The following LRRC4C variants were observed in gnomAD, a reference collection of about 807,000 sequenced individuals.
LRRC4C encodes leucine rich repeat containing 4C.
In LRRC4C, 5 loss-of-function variants were observed where a neutral mutation model predicts 33.6. The ratio of observed to expected loss-of-function variants is 0.15; its 90% CI spans 0.08 to 0.31. The LOEUF (loss-of-function observed/expected upper bound fraction) is 0.31. LRRC4C is among the 10% of genes least tolerant of loss of function. LRRC4C has a pLI of 1.00. For synonymous variants in LRRC4C, 329 were observed against 302.0 expected (o/e 1.09, Z -0.93); for missense variants, 560 against 796.7 (o/e 0.70, Z 3.58).
chr11:41,159,299 A>G (rs72892655), intron 1 of LRRC4C, among the ~76,000 whole-genome samples: 2 of 152,274 alleles, frequency 1.3e-5, no homozygotes, highest in Non-Finnish European at 2.9e-5. Context: ...TCTAAAAAAA[A>G]TAAATACATA....
At chr11:40,412,168 T>C (rs1950178971) in intron 3 of LRRC4C, among the ~76,000 whole-genome samples, 1 of 152,070 alleles carries the variant, frequency 6.6e-6, no homozygotes, top group African/African-American at 2.4e-5. Flanking sequence ...ATATGCTACA[T>C]ATTTTTAAAA....
intron 2 of LRRC4C, among the ~76,000 whole-genome samples, chr11:40,757,301 T>C (rs745477647): frequency 3.3e-5 from 5 of 152,060 alleles, no homozygotes; most frequent in Admixed American, 6.6e-5. Flanking sequence ...GGAATTAGGA[T>C]GGGCATCTTG....
intron 3 of LRRC4C, among the ~76,000 whole-genome samples, chr11:40,524,900 A>G (rs1955975199): frequency 1.3e-5 from 2 of 152,204 alleles, no homozygotes; most frequent in Admixed American, 1.3e-4. Context: ...AGTACAAGGA[A>G]CGATTAGTTA....
At chr11:40,195,886 G>A (rs1042774710) in intron 5 of LRRC4C, among the ~76,000 whole-genome samples, 1 of 152,140 alleles carries the variant, frequency 6.6e-6, no homozygotes, top group Non-Finnish European at 1.5e-5. Context: ...TATTTATAAG[G>A]TGTGGCAATT....
chr11:41,290,537 A>T (rs1178567173), intron 1 of LRRC4C, among the ~76,000 whole-genome samples: 1 of 152,180 alleles, frequency 6.6e-6, no homozygotes, highest in Non-Finnish European at 1.5e-5. Context: ...TACTATTCAC[A>T]CGGAGGCAAA....
chr11:40,767,075 C>A (rs1949509420), intron 2 of LRRC4C, among the ~76,000 whole-genome samples: 2 of 151,666 alleles, frequency 1.3e-5, no homozygotes, highest in Admixed American at 1.3e-4. Context: ...CTGTTTCCTA[C>A]CGAAAGCATA....
intron 3 of LRRC4C, among the ~76,000 whole-genome samples, chr11:40,495,128 T>A (rs1480317935): frequency 6.6e-6 from 1 of 152,186 alleles, no homozygotes; most frequent in Non-Finnish European, 1.5e-5. Context: ...ATTATTTGAA[T>A]CAATAATGTG....
chr11:41,410,184 A>G (rs1380688968), intron 1 of LRRC4C, among the ~76,000 whole-genome samples: 1 of 152,150 alleles, frequency 6.6e-6, no homozygotes, highest in Non-Finnish European at 1.5e-5. Flanking sequence ...GATCCAGTCT[A>G]GGGTGAGCTC....
At chr11:41,349,659 G>T (rs1471174040) in intron 1 of LRRC4C, among the ~76,000 whole-genome samples, 1 of 151,842 alleles carries the variant, frequency 6.6e-6, no homozygotes, top group African/African-American at 2.4e-5. Flanking sequence ...CAAGCAAAAA[G>T]CCCCAACTAA....
intron 6 of LRRC4C, among the ~76,000 whole-genome samples, chr11:40,128,262 C>T (rs1416679317): frequency 4.6e-5 from 7 of 152,190 alleles, no homozygotes; most frequent in African/African-American, 7.2e-5. Context: ...CCATAAAAGC[C>T]GCTACCATGT....
At chr11:41,086,240 TA>T (rs1939979273) in intron 1 of LRRC4C, among the ~76,000 whole-genome samples, 2 of 152,306 alleles carry the variant, frequency 1.3e-5, no homozygotes, top group African/African-American at 4.8e-5. Context: ...ATTATTTAAG[TA>T]AAAATCAAGG....
At chr11:40,916,684 A>T (rs1003380780) in intron 2 of LRRC4C, among the ~76,000 whole-genome samples, 1 of 151,882 alleles carries the variant, frequency 6.6e-6, no homozygotes, top group African/African-American at 2.4e-5. Flanking sequence ...GTACCCTAAA[A>T]CTTAAAGTAT....
At chr11:40,369,557 C>T (rs189237531) in intron 3 of LRRC4C, among the ~76,000 whole-genome samples, 303 of 152,272 alleles carry the variant, frequency 2.0e-3, no homozygotes, top group Non-Finnish European at 2.9e-3. Flanking sequence ...AGGCTGGTCT[C>T]GAACTCCTGA....
intron 4 of LRRC4C, among the ~76,000 whole-genome samples, chr11:40,278,677 A>AATG: frequency 6.6e-6 from 1 of 152,294 alleles, no homozygotes; most frequent in Non-Finnish European, 1.5e-5. Context: ...TTCAATACCT[A>AATG]TATACAATGT....
chr11:41,115,055 G>C (rs1160175192), intron 1 of LRRC4C, among the ~76,000 whole-genome samples: 2 of 151,916 alleles, frequency 1.3e-5, no homozygotes, highest in East Asian at 1.9e-4. Context: ...GTTTATTATA[G>C]TATTTTCTCT....
At chr11:40,792,338 A>G (rs544540674) in intron 2 of LRRC4C, among the ~76,000 whole-genome samples, 6 of 152,298 alleles carry the variant, frequency 3.9e-5, no homozygotes, top group African/African-American at 1.4e-4. Context: ...AGGTGAGAAG[A>G]CATGCAGACT....
intron 3 of LRRC4C, among the ~76,000 whole-genome samples, chr11:40,583,773 A>G (rs1469364191): frequency 6.6e-6 from 1 of 151,930 alleles, no homozygotes; most frequent in East Asian, 2.0e-4. Flanking sequence ...TTGTAAATAC[A>G]CAGAAGTCAA....
intron 3 of LRRC4C, among the ~76,000 whole-genome samples, chr11:40,343,874 C>T (rs1045600162): frequency 2.0e-5 from 3 of 152,002 alleles, no homozygotes; most frequent in African/African-American, 7.2e-5. Flanking sequence ...AAGAACACCT[C>T]CATGCACACA....
chr11:41,351,754 A>G (rs1951992490), intron 1 of LRRC4C, among the ~76,000 whole-genome samples: 1 of 152,228 alleles, frequency 6.6e-6, no homozygotes, highest in African/African-American at 2.4e-5. Flanking sequence ...TTTAAAAAAC[A>G]CAAGGATTGT....
Sources: allele counts gnomAD v4.1 joint callset (sites outside exome capture counted in the v4.1 genomes callset), GRCh38; gene constraint gnomAD v4.1.1; transcripts MANE v1.5; gene names NCBI Gene and HGNC (gene_info 2026-07-23, HGNC 2026-07-21).